Variants in ABCA13 observed in about 807,000 individuals in gnomAD.
ABCA13 encodes the protein ATP binding cassette subfamily A member 13.
In ABCA13, 476 loss-of-function variants were observed where a neutral mutation model predicts 478.7. The ratio of observed to expected loss-of-function variants is 0.99; its 90% CI spans 0.92 to 1.07. The LOEUF is 1.07. Among genes scored for constraint, ABCA13 ranks in the 50% least tolerant of loss-of-function variants. The probability of loss-of-function intolerance (pLI) is 0.00; values close to 1 mark genes in which losing one functional copy is unlikely to be tolerated. For missense variants in ABCA13, 6,060 were observed against 5,910.6 expected (o/e 1.03, Z -0.83); for synonymous variants, 2,252 against 2,158.9 (o/e 1.04, Z -1.20).
chr7:48,369,844 C>T (rs1585043187), intron 32 of ABCA13, among the ~76,000 whole-genome samples: 1 of 151,654 alleles, frequency 6.6e-6, no homozygotes, highest in African/African-American at 2.4e-5. Flanking sequence ...CAGATTTGTT[C>T]TTTTTGCTTA....
chr7:48,273,259 G>GTA lies in ABCA13; in HGVS notation c.3596_3597dup (p.Leu1200TyrfsTer12), dbSNP rs763479006. 6.2e-7 allele frequency: 1 copy of GTA among 1,613,606 alleles called. No homozygotes were observed. Among genetic ancestry groups the GTA allele is most frequent in the South Asian group, 1.1e-5 (1 of 91,068 alleles). On this transcript the variant is annotated frameshift_variant, in exon 17 of 62. Transcript: ENST00000435803. LOFTEE classifies it high-confidence loss of function. ...GTGAAAGTCTCTAAAAGCTGCCAGG[G>GTA]TATACTTCCCACCCATAATGTTGCT... is the stretch of plus-strand genomic sequence containing the variant.
At chr7:48,345,840 C>T (rs1408465418) in intron 29 of ABCA13, among the ~76,000 whole-genome samples, 1 of 152,178 alleles carries the variant, frequency 6.6e-6, no homozygotes, top group Non-Finnish European at 1.5e-5. Flanking sequence ...TGCTCACTGC[C>T]TCATCAGAGC....
chr7:48,295,932 T>C, intron 21 of ABCA13, 69 bp downstream of exon 21: 4 of 1,490,058 alleles, frequency 2.7e-6, no homozygotes, highest in Non-Finnish European at 2.7e-6. Flanking sequence ...TAGGACTCTT[T>C]AAAATGTGAA....
chr7:48,585,091 T>A (rs1047457260), intron 56 of ABCA13, among the ~76,000 whole-genome samples: 1 of 152,208 alleles, frequency 6.6e-6, no homozygotes, highest in Non-Finnish European at 1.5e-5. Flanking sequence ...CGAAGCTACA[T>A]GACTACTTCT....
chr7:48,402,640 A>T (rs150318558), intron 38 of ABCA13, among the ~76,000 whole-genome samples: 549 of 152,354 alleles, frequency 3.6e-3, no homozygotes, highest in African/African-American at 0.012. Flanking sequence ...GGAAGTATTT[A>T]CATTAAATAT....
chr7:48,197,201 T>C (rs1277863576), intron 2 of ABCA13, among the ~76,000 whole-genome samples: 1 of 152,130 alleles, frequency 6.6e-6, no homozygotes, highest in Non-Finnish European at 1.5e-5. Context: ...TCGAGCTACA[T>C]ATGAATGTGA....
intron 55 of ABCA13, among the ~76,000 whole-genome samples, chr7:48,536,412 C>A (rs1833585036): frequency 6.6e-6 from 1 of 152,088 alleles, no homozygotes; most frequent in African/African-American, 2.4e-5. Context: ...TTATGGGAGG[C>A]CGAGGTGGGA....
At position 48,274,375 on chromosome 7, in the gene ABCA13, C is replaced by T. The variant is rs1796016094; in HGVS notation, c.4709C>T (p.Ser1570Phe). The change falls in exon 17 of 62, where the codon TCC becomes TTC. Residue 1570 changes from serine (S) to phenylalanine (F), a missense_variant. Physicochemically the swap from Ser to Phe is radical, Grantham distance 155. Coordinates refer to ENST00000435803, the MANE Select transcript of ABCA13 (RefSeq NM_152701.5). ...TACTTTAACATCCTGGAAAATAATTCCTCTTCTAAAACTGAAAACTTGTTA... is the reference window on the plus strand; with the variant it reads ...TACTTTAACATCCTGGAAAATAATTTCTCTTCTAAAACTGAAAACTTGTTA... ...GIYFNILENN[S>F]SSKTENLLNI... 1.2e-6 allele frequency: 2 copies of T among 1,613,188 alleles called. No individual in the cohort carries two copies. The highest frequency in any genetic ancestry group is 1.7e-6 in the Non-Finnish European group (2 of 1,179,660).
chr7:48,480,742 G>T (rs1244413514), intron 45 of ABCA13, among the ~76,000 whole-genome samples: 1 of 152,178 alleles, frequency 6.6e-6, no homozygotes, highest in Non-Finnish European at 1.5e-5. Flanking sequence ...GATCACCCCA[G>T]TGAAAACATT....
chr7:48,507,743 C>T lies in ABCA13; in HGVS notation c.13347-129C>T, dbSNP rs1298743639. ...TAATGAGGGAATCCATGCCCTTAGCCAACATGCCTGGCTGATTATGAATTT... is the reference window on the plus strand; with the variant it reads ...TAATGAGGGAATCCATGCCCTTAGCTAACATGCCTGGCTGATTATGAATTT... On this transcript the variant is annotated intron_variant, in intron 49 of 61. Coordinates refer to ENST00000435803, the MANE Select transcript of ABCA13 (RefSeq NM_152701.5). 4 of 1,125,400 alleles carry T rather than the reference C, an allele frequency of 3.6e-6. No individual in the cohort carries two copies. The Admixed American group carries it at 1.1e-4, about 30-fold the overall frequency. The allele number at this position is 1,125,400 out of a possible 1,614,324, so 69.7% of individuals were successfully genotyped here.
rs557187532 is a variant in ABCA13 at position 48,430,102 on chromosome 7, TA to T, written c.12565+2233del. ...TCTATTTTGTGGACATGTTTGTGAA[TA>T]ATTGGTATTAGCTCTTCTTTCAATG... is the stretch of plus-strand genomic sequence containing the variant. On this transcript the variant is annotated intron_variant, in intron 42 of 61. Transcript: ENST00000435803. Among the ~76,000 whole-genome samples the T allele has an allele frequency of 9.9e-4, 151 of 152,318 alleles. 1 individual carries two copies. The South Asian group carries it at 0.016, about 16-fold the overall frequency.
intron 10 of ABCA13, among the ~76,000 whole-genome samples, chr7:48,244,039 G>C (rs11979757): frequency 0.17 from 25,314 of 152,046 alleles, 2,470 homozygotes; most frequent in African/African-American, 0.28. Context: ...CTTCTCAGTT[G>C]TTTCTTCCAT....
chr7:48,448,121 A>G (rs1385866499), intron 42 of ABCA13, among the ~76,000 whole-genome samples: 1 of 152,204 alleles, frequency 6.6e-6, no homozygotes, highest in Non-Finnish European at 1.5e-5. Context: ...GCCTGCCTGC[A>G]TAGAACCTTG....
chr7:48,601,397 G>A (rs939097170), intron 58 of ABCA13, among the ~76,000 whole-genome samples: 1 of 151,956 alleles, frequency 6.6e-6, no homozygotes, highest in Non-Finnish European at 1.5e-5. Context: ...CCCCGCAACA[G>A]GCCCCGGTGT....
intron 55 of ABCA13, among the ~76,000 whole-genome samples, chr7:48,536,542 G>A (rs550610787): frequency 1.3e-5 from 2 of 152,104 alleles, no homozygotes; most frequent in South Asian, 4.2e-4. Context: ...CAGCTACTCA[G>A]GAGGCTGAAG....
chr7:48,414,255 T>G (rs1309885483), intron 41 of ABCA13, among the ~76,000 whole-genome samples: 1 of 152,170 alleles, frequency 6.6e-6, no homozygotes, highest in Non-Finnish European at 1.5e-5. Context: ...ATCAATTCTG[T>G]TCCGTGTTCT....
chr7:48,417,861 C>T (rs1009824739), intron 41 of ABCA13, among the ~76,000 whole-genome samples: 5 of 152,356 alleles, frequency 3.3e-5, no homozygotes, highest in Admixed American at 1.3e-4. Flanking sequence ...CAGCCCTCAG[C>T]AACCACTGAT....
chr7:48,288,007 A>C lies in ABCA13; in HGVS notation c.8884A>C (p.Lys2962Gln). Residue 2962 changes from lysine to glutamine, a missense_variant, in exon 20 of 62, where the codon AAG becomes CAG. Lys to Gln is a moderately conservative substitution (Grantham distance 53). Transcript: ENST00000435803. Reference sequence around the variant, plus strand: ...CATTTTGTGTGCTACTCTGAGTTGCAAGCAAAATGGGATAAGGCATCTCAT... The same window carrying C: ...CATTTTGTGTGCTACTCTGAGTTGCCAGCAAAATGGGATAAGGCATCTCAT... ...KDILCATLSC[K>Q]QNGIRHLILS... The C allele has an allele frequency of 6.2e-7, 1 of 1,614,008 alleles. No homozygotes were observed. Among genetic ancestry groups the C allele is most frequent in the Non-Finnish European group, 8.5e-7 (1 of 1,179,876 alleles).
rs751289278 is a variant in ABCA13 at position 48,403,791 on chromosome 7, G to A, written c.11982G>A (p.Ser3994=). 11 of 1,613,910 alleles carry A rather than the reference G, an allele frequency of 6.8e-6. No homozygotes were observed. The highest frequency in any genetic ancestry group is 2.7e-5 in the African/African-American group (2 of 75,044). The part of the protein sequence containing the change: ...LSLGIAFMGM[S]RTVVLDEPTS... ...TTGGCATTGCTTTCATGGGCATGTC[G>A]AGGACCGTGGTTCTGGATGAGCCCA... The change falls in exon 39 of 62, where the codon TCG becomes TCA. Residue 3994 remains serine (S), a synonymous_variant. Transcript: ENST00000435803.
Sources: gnomAD v4.1 joint callset for allele counts (sites outside exome capture counted in the v4.1 genomes callset) on GRCh38, gnomAD v4.1.1 for gene constraint, MANE v1.5 for transcripts, NCBI Gene and HGNC (gene_info 2026-07-23, HGNC 2026-07-21) for gene names.